Variants in SLCO5A1 observed in about 807,000 individuals in gnomAD.
SLCO5A1 encodes the protein organic anion transporter polypeptide-related protein 4.
In SLCO5A1, 39 loss-of-function variants were observed where a neutral mutation model predicts 65.1. The observed-to-expected ratio is 0.60, with a 90% CI of 0.46 to 0.78. SLCO5A1 has a LOEUF of 0.78. Ranked by LOEUF, SLCO5A1 falls within the 30% of genes least tolerant of loss-of-function variation. The probability of loss-of-function intolerance (pLI) is 0.00; values close to 1 mark genes in which losing one functional copy is unlikely to be tolerated. For missense variants in SLCO5A1, 1,029 were observed against 1,069.4 expected, an observed-to-expected ratio of 0.96 and a Z score of 0.53; for synonymous variants, 438 against 415.7, an observed-to-expected ratio of 1.05 and a Z score of -0.65.
intron 2 of SLCO5A1, among the ~76,000 whole-genome samples, chr8:69,763,290 C>T (rs981212901): frequency 6.7e-6 from 1 of 149,404 alleles, no homozygotes; most frequent in Non-Finnish European, 1.5e-5. Context: ...GTCTGGGCAA[C>T]AAGAGCAAAA....
intron 2 of SLCO5A1, among the ~76,000 whole-genome samples, chr8:69,809,735 T>G (rs1238964939): frequency 1.3e-5 from 2 of 149,062 alleles, no homozygotes; most frequent in Non-Finnish European, 1.5e-5. Flanking sequence ...AGGAGTGTGG[T>G]GTGTGTGTGT....
chr8:69,813,758 A>C (rs1820303716), intron 2 of SLCO5A1, among the ~76,000 whole-genome samples: 1 of 152,194 alleles, frequency 6.6e-6, no homozygotes, highest in Non-Finnish European at 1.5e-5. Context: ...GAACCAAAGT[A>C]CTAGAACACT....
chr8:69,728,922 C>T (rs1467671307), intron 5 of SLCO5A1, among the ~76,000 whole-genome samples: 2 of 151,986 alleles, frequency 1.3e-5, no homozygotes, highest in East Asian at 1.9e-4. Context: ...ATGGGCAACC[C>T]GAGTGTCCAG....
At chr8:69,706,049 T>A (rs1383456008) in intron 5 of SLCO5A1, among the ~76,000 whole-genome samples, 2 of 152,220 alleles carry the variant, frequency 1.3e-5, no homozygotes, top group Admixed American at 1.3e-4. Context: ...CATTAATAAA[T>A]ATATCATATA....
At chr8:69,712,250 C>T (rs1815302614) in intron 5 of SLCO5A1, among the ~76,000 whole-genome samples, 1 of 152,166 alleles carries the variant, frequency 6.6e-6, no homozygotes, top group South Asian at 2.1e-4. Flanking sequence ...AGCAAATAGA[C>T]ATTAATTGTC....
intron 2 of SLCO5A1, among the ~76,000 whole-genome samples, chr8:69,784,895 G>GAAGGAAGA (rs368512400): frequency 8.2e-5 from 7 of 85,032 alleles, no homozygotes; most frequent in Non-Finnish European, 1.1e-4. Flanking sequence ...AAGAAGAAAG[G>GAAGGAAGA]AAGAAAGAAA....
chr8:69,754,938 G>T (rs1478503389), intron 4 of SLCO5A1, among the ~76,000 whole-genome samples: 2 of 152,008 alleles, frequency 1.3e-5, no homozygotes, highest in Non-Finnish European at 2.9e-5. Context: ...ACTTATGTAG[G>T]CATCAAACCA....
chr8:69,769,822 T>G (rs1338287242), intron 2 of SLCO5A1, among the ~76,000 whole-genome samples: 1 of 152,150 alleles, frequency 6.6e-6, no homozygotes, highest in African/African-American at 2.4e-5. Context: ...CACGTGTGTG[T>G]CTATGCCTGT....
chr8:69,682,623 C>G (rs1813833297), intron 6 of SLCO5A1, among the ~76,000 whole-genome samples: 1 of 152,204 alleles, frequency 6.6e-6, no homozygotes. Flanking sequence ...TGAACCTGGT[C>G]TCAACATCTG....
At chr8:69,735,744 G>C (rs1213927304) in intron 5 of SLCO5A1, among the ~76,000 whole-genome samples, 3 of 152,142 alleles carry the variant, frequency 2.0e-5, no homozygotes, top group African/African-American at 7.2e-5. Flanking sequence ...TGATGGGTTG[G>C]TAGGTGCAGC....
intron 2 of SLCO5A1, among the ~76,000 whole-genome samples, chr8:69,818,376 G>A (rs778534768): frequency 2.0e-5 from 3 of 152,134 alleles, no homozygotes; most frequent in African/African-American, 4.8e-5. Context: ...ACTCCCCTGG[G>A]AGCATATTAG....
chr8:69,760,723 G>A (rs1387116103), intron 3 of SLCO5A1, among the ~76,000 whole-genome samples: 1 of 152,144 alleles, frequency 6.6e-6, no homozygotes, highest in African/African-American at 2.4e-5. Context: ...TTGCAATTGT[G>A]AAAAATAACT....
At chr8:69,783,975 G>A (rs959255296) in intron 2 of SLCO5A1, among the ~76,000 whole-genome samples, 3 of 152,280 alleles carry the variant, frequency 2.0e-5, no homozygotes, top group East Asian at 1.9e-4. Flanking sequence ...TCTTCATAAT[G>A]GAGGAGGCTA....
intron 5 of SLCO5A1, among the ~76,000 whole-genome samples, chr8:69,731,265 G>T (rs538792918): frequency 1.3e-5 from 2 of 152,302 alleles, no homozygotes; most frequent in Admixed American, 6.5e-5. Flanking sequence ...TACCCAAAGT[G>T]CTGGGATTAC....
chr8:69,726,497 T>C (rs4009024), intron 5 of SLCO5A1, among the ~76,000 whole-genome samples: 46,059 of 103,346 alleles, frequency 0.45, 8,357 homozygotes, highest in Middle Eastern at 0.56. Flanking sequence ...TCCTACCTCC[T>C]TTTTTTTTTT....
intron 6 of SLCO5A1, among the ~76,000 whole-genome samples, chr8:69,699,480 C>A (rs1814632833): frequency 6.6e-6 from 1 of 152,134 alleles, no homozygotes; most frequent in African/African-American, 2.4e-5. Flanking sequence ...TCTGACACTG[C>A]AGCACCCTGA....
chr8:69,826,459 A>G (rs903777828), intron 2 of SLCO5A1, among the ~76,000 whole-genome samples: 9 of 152,150 alleles, frequency 5.9e-5, no homozygotes, highest in African/African-American at 2.2e-4. Context: ...CCCCATCAAA[A>G]AGTGGGCAAA....
chr8:69,667,447 A>C lies in SLCO5A1; in HGVS notation c.*5422T>G, dbSNP rs1045451575. 2 of 152,222 alleles carry C rather than the reference A, an allele frequency of 1.3e-5. No individual in the cohort carries two copies. Among genetic ancestry groups the C allele is most frequent in the African/African-American group, 4.8e-5 (2 of 41,456 alleles). The allele number at this position is 152,222 out of a possible 1,614,324, so 9.4% of individuals were successfully genotyped here. On this transcript the variant is annotated 3_prime_UTR_variant, in exon 10 of 10. Transcript: ENST00000260126. ...GGTTTGGGGTAGAGGTATGTATTTT[A>C]AGAAAAATGCCCATTATTTGGTACT...
chr8:69,693,046 T>G (rs1814341712), intron 6 of SLCO5A1, among the ~76,000 whole-genome samples: 1 of 152,204 alleles, frequency 6.6e-6, no homozygotes, highest in South Asian at 2.1e-4. Context: ...TCCAAACTCA[T>G]GACCAACGCA....
Sources: gnomAD v4.1 joint callset for allele counts (sites outside exome capture counted in the v4.1 genomes callset) on GRCh38, gnomAD v4.1.1 for gene constraint, MANE v1.5 for transcripts, NCBI Gene and HGNC (gene_info 2026-07-23, HGNC 2026-07-21) for gene names.